The following MPHOSPH8 variants were observed in gnomAD, a reference collection of about 807,000 sequenced individuals.
MPHOSPH8 encodes M-phase phosphoprotein 8.
MPHOSPH8 carries 45 observed loss-of-function variants against 87.3 expected under a neutral mutation model. The ratio of observed to expected loss-of-function variants is 0.52; its 90% CI spans 0.41 to 0.66. The LOEUF is 0.66. Ranked by LOEUF, MPHOSPH8 falls within the 30% of genes least tolerant of loss-of-function variation. The pLI, the probability that MPHOSPH8 is intolerant of heterozygous loss-of-function variation, is 0.00. For missense variants in MPHOSPH8, 883 were observed against 1,020.2 expected, an observed-to-expected ratio of 0.87 and a Z score of 1.83; for synonymous variants, 366 against 376.9, an observed-to-expected ratio of 0.97 and a Z score of 0.33.
At chr13:19,638,990 G>A (rs1414344458) in intron 1 of MPHOSPH8, among the ~76,000 whole-genome samples, 1 of 151,730 alleles carries the variant, frequency 6.6e-6, no homozygotes, top group East Asian at 2.0e-4. Flanking sequence ...GGGAGAGGCA[G>A]GAGAATTGCT....
chr13:19,653,644 G>T (rs1874982236), intron 5 of MPHOSPH8, among the ~76,000 whole-genome samples: 1 of 152,150 alleles, frequency 6.6e-6, no homozygotes, highest in Non-Finnish European at 1.5e-5. Context: ...CCCAATGCAA[G>T]GAAGCTAAGA....
intron 5 of MPHOSPH8, among the ~76,000 whole-genome samples, chr13:19,658,740 T>C (rs1875344643): frequency 6.6e-6 from 1 of 152,204 alleles, no homozygotes; most frequent in African/African-American, 2.4e-5. Flanking sequence ...AAATTCCTCC[T>C]TTGCTATTTT....
At chr13:19,658,607 C>T (rs1037205524) in intron 5 of MPHOSPH8, among the ~76,000 whole-genome samples, 1 of 152,194 alleles carries the variant, frequency 6.6e-6, no homozygotes, top group African/African-American at 2.4e-5. Flanking sequence ...ATGGCTTTAT[C>T]TGTACATGGT....
chr13:19,652,147 C>T (rs1011401399), intron 5 of MPHOSPH8, among the ~76,000 whole-genome samples: 3 of 152,032 alleles, frequency 2.0e-5, no homozygotes, highest in African/African-American at 7.2e-5. Context: ...GCAAGATGGC[C>T]GAATAGGAAC....
intron 1 of MPHOSPH8, among the ~76,000 whole-genome samples, chr13:19,640,836 G>A (rs1206497260): frequency 6.6e-6 from 1 of 152,102 alleles, no homozygotes; most frequent in African/African-American, 2.4e-5. Flanking sequence ...TGTTGTATTT[G>A]TATGATGGAA....
chr13:19,662,778 T>G (rs1875613626), intron 8 of MPHOSPH8, among the ~76,000 whole-genome samples: 1 of 152,268 alleles, frequency 6.6e-6, no homozygotes, highest in Non-Finnish European at 1.5e-5. Context: ...ATATATTATC[T>G]TTTTAAAGGA....
chr13:19,670,432 T>C (rs1398575707), intron 12 of MPHOSPH8, 69 bp downstream of exon 12: 3 of 1,511,758 alleles, frequency 2.0e-6, no homozygotes, highest in Non-Finnish European at 2.7e-6. Flanking sequence ...GACTTAATTT[T>C]AAATTCCTGT....
At chr13:19,635,724 T>TC (rs2137491414) in intron 1 of MPHOSPH8, among the ~76,000 whole-genome samples, 1 of 152,300 alleles carries the variant, frequency 6.6e-6, no homozygotes, top group South Asian at 2.1e-4. Flanking sequence ...GAGTTAAAAT[T>TC]CAAGTTCTTG....
chr13:19,667,260 G>A (rs893640289), intron 10 of MPHOSPH8, among the ~76,000 whole-genome samples: 5 of 152,122 alleles, frequency 3.3e-5, no homozygotes, highest in Admixed American at 3.3e-4. Flanking sequence ...GCAAAGTTGA[G>A]CGGAGGGTAC....
intron 1 of MPHOSPH8, among the ~76,000 whole-genome samples, chr13:19,636,093 T>C (rs570800816): frequency 2.6e-5 from 4 of 152,326 alleles, no homozygotes; most frequent in Non-Finnish European, 4.4e-5. Flanking sequence ...CTTTCCTTTA[T>C]AAATTACCCA....
At position 19,666,620 on chromosome 13, in the gene MPHOSPH8, A is replaced by G. The variant is rs569048502; in HGVS notation, c.2174+41A>G. 7.9e-6 allele frequency: 12 copies of G among 1,527,402 alleles called. No individual in the cohort carries two copies. In the East Asian group the frequency reaches 1.8e-4, roughly 23 times the overall value. 94.6% of individuals were successfully genotyped at this position (1,527,402 alleles called of 1,614,324 possible). On this transcript the variant is annotated intron_variant, in intron 10 of 13. Transcript: ENST00000361479. Reference sequence around the variant, plus strand: ...CTGTGCCATAGTTAAGTCACATATCATACATCTGTTTATGTAGACATATTA... The same window carrying G: ...CTGTGCCATAGTTAAGTCACATATCGTACATCTGTTTATGTAGACATATTA...
In MPHOSPH8 at chr13:19,666,588, G is replaced by A. The variant is rs752450958; in HGVS notation, c.2174+9G>A. ...AAGAACCATTTAGAGACGTAAGTGA[G>A]AAGCGACTGTGCCATAGTTAAGTCA... On this transcript the variant is annotated intron_variant, in intron 10 of 13. Coordinates refer to ENST00000361479, the MANE Select transcript of MPHOSPH8 (RefSeq NM_017520.4). 6.4e-7 allele frequency: 1 copy of A among 1,570,860 alleles called. No homozygotes were observed. The highest frequency in any genetic ancestry group is 1.1e-5 in the South Asian group (1 of 87,774).
rs1383361251 is a variant in MPHOSPH8, at chr13:19,646,703, A to G, written c.630A>G (p.Leu210=). Residue 210 remains leucine, a synonymous_variant, in exon 3 of 14, where the codon CTA becomes CTG. Transcript: ENST00000361479. The part of the protein sequence containing the change: ...KKRISEAKEE[L]KESKKPKKDE... ...GAATTTCTGAAGCCAAAGAAGAACT[A>G]AAGGAGTCCAAAAAGCCCAAAAAAG... The G allele has an allele frequency of 6.3e-7, 1 of 1,593,596 alleles. No homozygotes were observed. The highest frequency in any genetic ancestry group is 8.5e-7 in the Non-Finnish European group (1 of 1,175,002).
At chr13:19,671,048 T>G in intron 12 of MPHOSPH8, 158 bp from the exon 13 acceptor site, 3 of 1,425,682 alleles carry the variant, frequency 2.1e-6, no homozygotes, top group Non-Finnish European at 2.8e-6. Flanking sequence ...CTCAAACTTC[T>G]GGGCTCAAGC....
rs199947956 is a variant in MPHOSPH8 at position 19,640,787 on chromosome 13, C to CA, written c.214-1320dup. ...GATATTACAGCTTTATTTATAAGTA[C>CA]AAAAAAAATGGAAAAGGGAGCGTTT... On this transcript the variant is annotated intron_variant, in intron 1 of 13. Coordinates refer to ENST00000361479, the MANE Select transcript of MPHOSPH8 (RefSeq NM_017520.4). Among the ~76,000 whole-genome samples, 1,217 of 151,106 alleles carry CA rather than the reference C, an allele frequency of 8.1e-3. 17 individuals carry two copies. The highest frequency in any genetic ancestry group is 0.027 in the African/African-American group (1,124 of 41,232).
rs759251611 is a variant in MPHOSPH8 at position 19,634,012 on chromosome 13, C to A, written c.213+51C>A. On this transcript the variant is annotated intron_variant, in intron 1 of 13. Coordinates refer to ENST00000361479, the MANE Select transcript of MPHOSPH8 (RefSeq NM_017520.4). ...GCTGGGCGGGGAGCTCCGGGCCTGG[C>A]GGGGAGGACGCGAGCTGGAAACAGC... The A allele has an allele frequency of 1.9e-6, 3 of 1,559,006 alleles. No homozygotes were observed. The South Asian group carries it at 3.5e-5, about 18-fold the overall frequency.
rs562371437 is a variant in MPHOSPH8, at chr13:19,647,096, T to G, written c.1023T>G (p.Thr341=). Residue 341 remains threonine (T), a synonymous_variant, in exon 3 of 14, where the codon ACT becomes ACG. Coordinates refer to ENST00000361479, the MANE Select transcript of MPHOSPH8 (RefSeq NM_017520.4). The stretch of plus-strand genomic sequence containing the variant: ...AGACCCCGAGAAAGGCTGAGGACAC[T>G]AGAGAGAACAGGAAGCTAGAGAACA... The part of the protein sequence containing the change: ...KKKTPRKAED[T]RENRKLENKN... The G allele has an allele frequency of 5.6e-6, 9 of 1,611,162 alleles. No homozygotes were observed. The African/African-American group carries it at 1.1e-4, about 19-fold the overall frequency.
intron 5 of MPHOSPH8, among the ~76,000 whole-genome samples, chr13:19,655,196 C>G (rs1336080490): frequency 6.6e-6 from 1 of 152,152 alleles, no homozygotes; most frequent in Non-Finnish European, 1.5e-5. Context: ...GCAACATAAG[C>G]CAGGCATGGT....
rs780367926 is a variant in MPHOSPH8 at position 19,666,540 on chromosome 13, A to G, written c.2135A>G (p.Asn712Ser). The change falls in exon 10 of 14, where the codon AAT (asparagine) becomes AGT (serine). Residue 712 changes from asparagine to serine, a missense_variant. By Grantham distance (46) the Asn-to-Ser change is conservative (BLOSUM62 1). Transcript: ENST00000361479. ...CTGCACTTTGCGAAGCAGTCTAACA[A>G]TGTGCTTGTGTACGACTTGCTGAAG... ...SALHFAKQSN[N>S]VLVYDLLKNH... is the part of the protein sequence containing the mutation. 3.1e-6 allele frequency: 5 copies of G among 1,597,424 alleles called. No individual in the cohort carries two copies. The highest frequency in any genetic ancestry group is 1.3e-5 in the African/African-American group (1 of 74,666).
Sources: gnomAD v4.1 joint callset for allele counts (sites outside exome capture counted in the v4.1 genomes callset) on GRCh38, gnomAD v4.1.1 for gene constraint, MANE v1.5 for transcripts, NCBI Gene and HGNC (gene_info 2026-07-23, HGNC 2026-07-21) for gene names.